Variants in ATP1B3 observed in about 807,000 individuals in gnomAD.
ATP1B3 encodes the protein sodium/potassium-transporting ATPase subunit beta-3.
ATP1B3 carries 10 observed loss-of-function variants against 30.2 expected under a neutral mutation model. The observed-to-expected ratio is 0.33, with a 90% CI of 0.20 to 0.56. The LOEUF is 0.56. Among genes scored for constraint, ATP1B3 ranks in the 20% least tolerant of loss-of-function variants. The pLI, the probability that ATP1B3 is intolerant of heterozygous loss-of-function variation, is 0.90. For synonymous variants in ATP1B3, 113 were observed against 117.0 expected (o/e 0.97, Z 0.22); for missense variants, 238 against 336.7 (o/e 0.71, Z 2.29).
At chr3:141,897,105 G>A (rs1576393215) in intron 1 of ATP1B3, among the ~76,000 whole-genome samples, 1 of 152,126 alleles carries the variant, frequency 6.6e-6, no homozygotes, top group Non-Finnish European at 1.5e-5. Context: ...GTTGCTAGTT[G>A]CTTGGCACCA....
At chr3:141,910,393 C>T (rs1934337987) in intron 3 of ATP1B3, among the ~76,000 whole-genome samples, 1 of 152,052 alleles carries the variant, frequency 6.6e-6, no homozygotes, top group African/African-American at 2.4e-5. Flanking sequence ...TTTTACTTTT[C>T]TACATTATCA....
At chr3:141,905,942 A>T (rs1415334895) in intron 2 of ATP1B3, among the ~76,000 whole-genome samples, 1 of 151,980 alleles carries the variant, frequency 6.6e-6, no homozygotes, top group African/African-American at 2.4e-5. Flanking sequence ...ACATGCATAC[A>T]CATGTACATA....
rs997934634 is a variant in ATP1B3, at chr3:141,903,751, A to G, written c.238+3A>G. The G allele has an allele frequency of 2.5e-6, 4 of 1,613,108 alleles. No individual in the cohort carries two copies. The Admixed American group carries it at 6.7e-5, about 27-fold the overall frequency. On this transcript the variant is annotated splice_donor_region_variant and intron_variant, in intron 2 of 6. Transcript: ENST00000286371. ...CCGTGACCAGATTCCTAGCCCAGGT[A>G]ATTATCTTGCAGTTATGACTTTGTT...
intron 1 of ATP1B3, among the ~76,000 whole-genome samples, chr3:141,879,442 G>A (rs893290560): frequency 6.6e-6 from 1 of 152,042 alleles, no homozygotes; most frequent in African/African-American, 2.4e-5. Context: ...CATCAGCACT[G>A]AGGCTATTTT....
chr3:141,902,272 G>A, intron 1 of ATP1B3: 3 of 1,225,808 alleles, frequency 2.4e-6, no homozygotes, highest in Non-Finnish European at 3.2e-6. Context: ...ATTATAAAAT[G>A]AAATTGCTTT....
At chr3:141,917,336 G>T (rs147157346) in intron 5 of ATP1B3, among the ~76,000 whole-genome samples, 1 of 152,058 alleles carries the variant, frequency 6.6e-6, no homozygotes, top group Non-Finnish European at 1.5e-5. Flanking sequence ...AATTATATGT[G>T]TGTGACCACT....
chr3:141,904,011 C>T (rs889733055), intron 2 of ATP1B3, among the ~76,000 whole-genome samples: 1 of 152,094 alleles, frequency 6.6e-6, no homozygotes, highest in African/African-American at 2.4e-5. Context: ...CTCGAACTCC[C>T]GACCTCAGGT....
At chr3:141,891,525 T>G (rs1021586209) in intron 1 of ATP1B3, among the ~76,000 whole-genome samples, 2 of 152,158 alleles carry the variant, frequency 1.3e-5, no homozygotes, top group African/African-American at 4.8e-5. Flanking sequence ...GTTTTCACAT[T>G]TACTAATTGA....
chr3:141,899,827 C>G (rs1934129314), intron 1 of ATP1B3, among the ~76,000 whole-genome samples: 1 of 152,104 alleles, frequency 6.6e-6, no homozygotes, highest in South Asian at 2.1e-4. Context: ...TGAGATCACA[C>G]CATTGCACTC....
chr3:141,925,166 A>T (rs558896462), intron 6 of ATP1B3, among the ~76,000 whole-genome samples: 7 of 150,898 alleles, frequency 4.6e-5, no homozygotes, highest in African/African-American at 7.3e-5. Context: ...ATAGAGCTAA[A>T]TTTTTTTTTT....
At chr3:141,886,465 T>C (rs1933836551) in intron 1 of ATP1B3, among the ~76,000 whole-genome samples, 1 of 152,234 alleles carries the variant, frequency 6.6e-6, no homozygotes, top group Non-Finnish European at 1.5e-5. Flanking sequence ...TGTAATTCTA[T>C]CACCCAGCTC....
chr3:141,904,367 A>T (rs1453777623), intron 2 of ATP1B3, among the ~76,000 whole-genome samples: 2 of 151,822 alleles, frequency 1.3e-5, no homozygotes, highest in African/African-American at 4.8e-5. Context: ...GCCACGTTTG[A>T]AGAATATAGT....
chr3:141,887,234 T>C (rs1298295377), intron 1 of ATP1B3, among the ~76,000 whole-genome samples: 1 of 152,194 alleles, frequency 6.6e-6, no homozygotes, highest in Admixed American at 6.5e-5. Context: ...TTTACAAAAA[T>C]AGCAGCAGCC....
At chr3:141,914,168 G>C (rs933349689) in intron 4 of ATP1B3, among the ~76,000 whole-genome samples, 4 of 152,214 alleles carry the variant, frequency 2.6e-5, no homozygotes, top group Non-Finnish European at 5.9e-5. Context: ...GCAGAGACTT[G>C]TTAGGGTGCA....
chr3:141,917,624 G>T (rs1010636052), intron 5 of ATP1B3, among the ~76,000 whole-genome samples: 1 of 151,964 alleles, frequency 6.6e-6, no homozygotes, highest in Non-Finnish European at 1.5e-5. Context: ...AACCTGGGAG[G>T]TGGAGGTTGC....
chr3:141,905,064 C>G (rs1383703678), intron 2 of ATP1B3, among the ~76,000 whole-genome samples: 1 of 152,132 alleles, frequency 6.6e-6, no homozygotes, highest in Non-Finnish European at 1.5e-5. Context: ...GACCCTTGTC[C>G]TCAGATGCTG....
intron 1 of ATP1B3, among the ~76,000 whole-genome samples, chr3:141,883,040 C>CT (rs1933759945): frequency 6.6e-6 from 1 of 152,224 alleles, no homozygotes; most frequent in Non-Finnish European, 1.5e-5. Flanking sequence ...TACTTCTCTC[C>CT]TGTCATCTCT....
At chr3:141,908,780 T>A (rs1934306913) in intron 3 of ATP1B3, among the ~76,000 whole-genome samples, 1 of 152,224 alleles carries the variant, frequency 6.6e-6, no homozygotes, top group South Asian at 2.1e-4. Flanking sequence ...TCCTTACAAC[T>A]CACTCTCTTC....
intron 6 of ATP1B3, 57 bp from the exon 7 acceptor site, chr3:141,925,474 A>G: frequency 6.6e-7 from 1 of 1,520,560 alleles, no homozygotes; most frequent in African/African-American, 1.4e-5. Flanking sequence ...TTCCTGGTAG[A>G]GAGAAGTATT....
Sources: gnomAD v4.1 joint callset for allele counts (sites outside exome capture counted in the v4.1 genomes callset) on GRCh38, gnomAD v4.1.1 for gene constraint, MANE v1.5 for transcripts, NCBI Gene and HGNC (gene_info 2026-07-23, HGNC 2026-07-21) for gene names.